NRG3: variants seen among roughly 807,000 people sequenced by gnomAD.
NRG3 encodes the protein neuregulin 3, also known as pro-neuregulin-3, membrane-bound isoform.
A neutral mutation model predicts 66.9 loss-of-function variants in NRG3; 31 were observed. The ratio of observed to expected loss-of-function variants is 0.46; its 90% CI spans 0.35 to 0.63. The LOEUF (loss-of-function observed/expected upper bound fraction) is 0.63, where lower values mean the gene tolerates loss of function less well. Among genes scored for constraint, NRG3 ranks in the 20% least tolerant of loss-of-function variants. The probability of loss-of-function intolerance (pLI) is 0.00; values close to 1 mark genes in which losing one functional copy is unlikely to be tolerated. For missense variants in NRG3, 910 were observed against 878.9 expected (o/e 1.04, Z -0.45); for synonymous variants, 393 against 359.4 (o/e 1.09, Z -1.06).
chr10:82,052,361 T>G (rs1322704908), intron 1 of NRG3, among the ~76,000 whole-genome samples: 1 of 136,552 alleles, frequency 7.3e-6, no homozygotes, highest in Non-Finnish European at 1.6e-5. Context: ...CATATCAGAC[T>G]TGTAATTCTG....
intron 1 of NRG3, among the ~76,000 whole-genome samples, chr10:82,084,281 A>G (rs1300087462): frequency 6.6e-6 from 1 of 152,124 alleles, no homozygotes; most frequent in Non-Finnish European, 1.5e-5. Flanking sequence ...CAATATTTAA[A>G]AAGAATCTCA....
rs749884304 is a variant in NRG3 at position 82,358,763 on chromosome 10, G to A, written c.848G>A (p.Arg283Gln). The A allele has an allele frequency of 3.4e-5, 55 of 1,613,970 alleles. 1 individual carries two copies. In the South Asian group the frequency reaches 4.9e-4, roughly 14 times the overall value. Residue 283 changes from arginine to glutamine, a missense_variant, in exon 2 of 9, where the codon CGA (arginine) becomes CAA (glutamine). Transcript: ENST00000372141. ...GATACGACGACATATTCCACAGAGC[G>A]ATCCGAGCACTTCAAACCCTGCCGA... is the stretch of plus-strand genomic sequence containing the variant. Reference protein sequence around the residue: ...KFHTTTYSTERSEHFKPCRDK... With the variant: ...KFHTTTYSTEQSEHFKPCRDK...
chr10:82,743,544 G>A (rs1173096227), intron 3 of NRG3, among the ~76,000 whole-genome samples: 1 of 152,114 alleles, frequency 6.6e-6, no homozygotes, highest in African/African-American at 2.4e-5. Flanking sequence ...CATCAGGTAG[G>A]AAAATAAATT....
chr10:82,073,506 C>T (rs2064921918), intron 1 of NRG3, among the ~76,000 whole-genome samples: 1 of 152,078 alleles, frequency 6.6e-6, no homozygotes, highest in African/African-American at 2.4e-5. Flanking sequence ...ATCAGATTTT[C>T]AAAATGATAT....
chr10:82,061,406 C>T (rs1212096472), intron 1 of NRG3, among the ~76,000 whole-genome samples: 1 of 152,000 alleles, frequency 6.6e-6, no homozygotes, highest in Admixed American at 6.6e-5. Flanking sequence ...GTAGGGTGAC[C>T]CCCATTTACT....
chr10:82,885,909 T>C (rs935081324), intron 4 of NRG3, among the ~76,000 whole-genome samples: 3 of 152,014 alleles, frequency 2.0e-5, no homozygotes, highest in African/African-American at 7.2e-5. Context: ...TCTCACTCTA[T>C]TGCCCAGGCT....
At chr10:82,230,931 T>A (rs1246027653) in intron 1 of NRG3, among the ~76,000 whole-genome samples, 1 of 152,186 alleles carries the variant, frequency 6.6e-6, no homozygotes, top group Non-Finnish European at 1.5e-5. Context: ...AGTAAAAGTG[T>A]GTAAACAATT....
intron 1 of NRG3, among the ~76,000 whole-genome samples, chr10:82,275,852 G>C (rs1426326543): frequency 6.6e-6 from 1 of 151,934 alleles, no homozygotes; most frequent in South Asian, 2.1e-4. Flanking sequence ...TTAAGTTTAG[G>C]AGGAAAACCT....
intron 2 of NRG3, among the ~76,000 whole-genome samples, chr10:82,410,654 A>G (rs1234510478): frequency 6.6e-6 from 1 of 151,910 alleles, no homozygotes; most frequent in Non-Finnish European, 1.5e-5. Context: ...AACCTTCTGA[A>G]TATTGTAAAA....
chr10:81,988,825 T>C (rs2060625730), intron 1 of NRG3, among the ~76,000 whole-genome samples: 1 of 152,094 alleles, frequency 6.6e-6, no homozygotes, highest in African/African-American at 2.4e-5. Flanking sequence ...ATGCAGGTTC[T>C]ATTTAAGTGC....
intron 2 of NRG3, among the ~76,000 whole-genome samples, chr10:82,477,288 G>A (rs1417705247): frequency 6.6e-6 from 1 of 152,170 alleles, no homozygotes; most frequent in Non-Finnish European, 1.5e-5. Context: ...AGGGTCTCAC[G>A]AGCAGAGTTG....
intron 1 of NRG3, among the ~76,000 whole-genome samples, chr10:82,028,815 G>A (rs942731447): frequency 6.6e-6 from 1 of 152,076 alleles, no homozygotes; most frequent in South Asian, 2.1e-4. Flanking sequence ...TAAGAAATAT[G>A]CTCACCCCGT....
At chr10:82,391,429 C>T (rs116411844) in intron 2 of NRG3, among the ~76,000 whole-genome samples, 14 of 152,304 alleles carry the variant, frequency 9.2e-5, no homozygotes, top group African/African-American at 3.1e-4. Flanking sequence ...AAAGAGTCAG[C>T]AGGCAGTGTG....
intron 1 of NRG3, among the ~76,000 whole-genome samples, chr10:82,303,139 G>C (rs74144341): frequency 0.011 from 1,716 of 152,168 alleles, 31 homozygotes; most frequent in African/African-American, 0.039. Context: ...TCCCACTCAA[G>C]TAAGATAAAC....
rs551319350 is a variant in NRG3 at position 82,607,526 on chromosome 10, C to G, written c.954-131051C>G. Among the ~76,000 whole-genome samples, 86 of 152,204 alleles carry G rather than the reference C, an allele frequency of 5.7e-4. 1 individual carries two copies. Among genetic ancestry groups the G allele is most frequent in the Admixed American group, 1.7e-3 (26 of 15,290 alleles). ...TGTATAATTAGGCCTTTTTTCCCCA[C>G]TCTGACAATCTTAGTATTTTAATTG... On this transcript the variant is annotated intron_variant, in intron 2 of 8. Coordinates refer to ENST00000372141, the MANE Select transcript of NRG3 (RefSeq NM_001010848.4).
chr10:82,763,731 T>C (rs1294484019), intron 3 of NRG3, among the ~76,000 whole-genome samples: 1 of 152,178 alleles, frequency 6.6e-6, no homozygotes, highest in Non-Finnish European at 1.5e-5. Context: ...ATGTCTTATC[T>C]GTCCAGTATG....
intron 1 of NRG3, among the ~76,000 whole-genome samples, chr10:82,101,215 G>GT: frequency 6.6e-6 from 1 of 151,636 alleles, no homozygotes; most frequent in East Asian, 1.9e-4. Context: ...AACTCTCTTT[G>GT]TTTTGGTCAA....
chr10:82,223,461 A>G (rs1564680803), intron 1 of NRG3, among the ~76,000 whole-genome samples: 1 of 152,102 alleles, frequency 6.6e-6, no homozygotes, highest in Non-Finnish European at 1.5e-5. Flanking sequence ...GGTATTTACT[A>G]ACTCACTTCT....
At chr10:82,235,823 G>T (rs74146523) in intron 1 of NRG3, among the ~76,000 whole-genome samples, 4 of 152,110 alleles carry the variant, frequency 2.6e-5, no homozygotes, top group Non-Finnish European at 5.9e-5. Context: ...GTTGTCCAGC[G>T]TGTGTCACTT....
Sources: gnomAD v4.1 joint callset for allele counts (sites outside exome capture counted in the v4.1 genomes callset) on GRCh38, gnomAD v4.1.1 for gene constraint, MANE v1.5 for transcripts, NCBI Gene and HGNC (gene_info 2026-07-23, HGNC 2026-07-21) for gene names.